Variants in SUPT3H observed in about 807,000 individuals in gnomAD.
SUPT3H encodes the protein transcription initiation protein SPT3 homolog.
Under a neutral mutation model 44.3 loss-of-function variants are expected in SUPT3H, and 44 were observed. That is an observed-to-expected ratio of 0.99 (90% CI 0.78 to 1.28). SUPT3H has a LOEUF of 1.28. Among genes scored for constraint, SUPT3H ranks in the 50% most tolerant of loss-of-function variants. The probability of loss-of-function intolerance (pLI) is 0.00; values close to 1 mark genes in which losing one functional copy is unlikely to be tolerated. For synonymous variants in SUPT3H, 124 were observed against 125.6 expected, an observed-to-expected ratio of 0.99 and a Z score of 0.09; for missense variants, 380 against 387.1, an observed-to-expected ratio of 0.98 and a Z score of 0.15.
At chr6:44,843,331 A>G (rs1186726607) in intron 10 of SUPT3H, among the ~76,000 whole-genome samples, 1 of 152,202 alleles carries the variant, frequency 6.6e-6, no homozygotes, top group Non-Finnish European at 1.5e-5. Context: ...CAATTTCTCC[A>G]TAAGATCAGG....
At chr6:44,865,653 G>A (rs1775384642) in intron 10 of SUPT3H, among the ~76,000 whole-genome samples, 1 of 152,110 alleles carries the variant, frequency 6.6e-6, no homozygotes, top group Admixed American at 6.5e-5. Context: ...AACAGTATGG[G>A]AGAAACCACC....
intron 2 of SUPT3H, among the ~76,000 whole-genome samples, chr6:45,130,395 T>C (rs948126801): frequency 6.6e-6 from 1 of 152,176 alleles, no homozygotes; most frequent in Non-Finnish European, 1.5e-5. Flanking sequence ...ACTGTATGAA[T>C]ATACCACATT....
At chr6:44,851,048 C>T (rs1772800952) in intron 10 of SUPT3H, among the ~76,000 whole-genome samples, 1 of 152,080 alleles carries the variant, frequency 6.6e-6, no homozygotes, top group African/African-American at 2.4e-5. Context: ...GTGATGGACA[C>T]TGAATTTAAT....
chr6:45,122,619 T>C (rs1359858848), intron 2 of SUPT3H, among the ~76,000 whole-genome samples: 1 of 152,104 alleles, frequency 6.6e-6, no homozygotes, highest in Non-Finnish European at 1.5e-5. Context: ...TAAATCACCA[T>C]ATACACCATT....
intron 2 of SUPT3H, among the ~76,000 whole-genome samples, chr6:45,182,191 C>T (rs573412040): frequency 5.5e-4 from 84 of 152,330 alleles, no homozygotes; most frequent in African/African-American, 1.8e-3. Flanking sequence ...GAAGAAGCCA[C>T]AACTGCTGTT....
chr6:45,366,854 G>A (rs1177734474), intron 1 of SUPT3H, among the ~76,000 whole-genome samples: 3 of 151,944 alleles, frequency 2.0e-5, no homozygotes, highest in Non-Finnish European at 2.9e-5. Context: ...CTTGTCCTAC[G>A]GCTATGGCCT....
At chr6:45,225,186 G>A (rs1175613158) in intron 2 of SUPT3H, among the ~76,000 whole-genome samples, 2 of 150,968 alleles carry the variant, frequency 1.3e-5, no homozygotes, top group Non-Finnish European at 2.9e-5. Flanking sequence ...GGCTGAGGCA[G>A]GAGAATCGCT....
intron 2 of SUPT3H, among the ~76,000 whole-genome samples, chr6:45,114,297 T>C (rs1462578419): frequency 6.6e-6 from 1 of 152,050 alleles, no homozygotes; most frequent in African/African-American, 2.4e-5. Context: ...CAAGTTTACA[T>C]TCCGATGAGG....
chr6:45,175,532 G>C (rs1375257507), intron 2 of SUPT3H, among the ~76,000 whole-genome samples: 1 of 152,124 alleles, frequency 6.6e-6, no homozygotes, highest in Non-Finnish European at 1.5e-5. Context: ...TGAGACATGG[G>C]TGTGGACACA....
intron 2 of SUPT3H, among the ~76,000 whole-genome samples, chr6:45,111,066 T>G (rs925446537): frequency 4.1e-5 from 6 of 146,814 alleles, no homozygotes; most frequent in African/African-American, 1.5e-4. Flanking sequence ...AGAGTCTCAC[T>G]CTGTCACCCA....
rs577246427 is a variant in SUPT3H at position 45,331,137 on chromosome 6, G to A, written c.101+34064C>T. Among the ~76,000 whole-genome samples, 39 of 151,922 alleles carry A rather than the reference G, an allele frequency of 2.6e-4. 1 individual carries two copies. The East Asian group carries it at 4.3e-3, about 17-fold the overall frequency. ...TGTGTGTGTGTGTGTGCGCGCGCGCGCGCACATGCTAGAGAAAGAGTATGT... is the reference window on the plus strand; with the variant it reads ...TGTGTGTGTGTGTGTGCGCGCGCGCACGCACATGCTAGAGAAAGAGTATGT... On this transcript the variant is annotated intron_variant, in intron 2 of 10. Transcript: ENST00000371459.
At chr6:45,366,692 A>G (rs555876315) in intron 1 of SUPT3H, among the ~76,000 whole-genome samples, 2 of 152,296 alleles carry the variant, frequency 1.3e-5, no homozygotes, top group South Asian at 2.1e-4. Context: ...TAGCTTCTTT[A>G]TAAGTTGAGT....
At position 45,157,728 on chromosome 6, in the gene SUPT3H, T is replaced by C. The variant is rs1009574219; in HGVS notation, c.102-51722A>G. 2.0e-5 allele frequency among the ~76,000 whole-genome samples: 3 copies of C among 151,680 alleles called. No homozygotes were observed. The South Asian group carries it at 6.2e-4, about 32-fold the overall frequency. Reference sequence around the variant, plus strand: ...CATGCCCGGCTAATTTTTGTATTTTTAGTAGAGACAGGGTTTCACCATGTT... The same window carrying C: ...CATGCCCGGCTAATTTTTGTATTTTCAGTAGAGACAGGGTTTCACCATGTT... On this transcript the variant is annotated intron_variant, in intron 2 of 10. Transcript: ENST00000371459.
At chr6:44,895,520 A>C (rs1367888342) in intron 10 of SUPT3H, among the ~76,000 whole-genome samples, 1 of 152,214 alleles carries the variant, frequency 6.6e-6, no homozygotes, top group East Asian at 1.9e-4. Context: ...TTTTGTTTTG[A>C]GAGACAGTCT....
chr6:44,937,424 G>T (rs1771632028), intron 9 of SUPT3H, among the ~76,000 whole-genome samples: 1 of 151,918 alleles, frequency 6.6e-6, no homozygotes, highest in Non-Finnish European at 1.5e-5. Context: ...AACCCGGGAG[G>T]TGGAGGTTGC....
intron 2 of SUPT3H, among the ~76,000 whole-genome samples, chr6:45,197,937 G>A (rs565018602): frequency 6.6e-6 from 1 of 151,106 alleles, no homozygotes; most frequent in Non-Finnish European, 1.5e-5. Flanking sequence ...TATTCAGACT[G>A]TAAACTTACA....
chr6:45,066,395 A>C (rs372031217), intron 3 of SUPT3H, among the ~76,000 whole-genome samples: 5 of 116,148 alleles, frequency 4.3e-5, no homozygotes, highest in African/African-American at 1.3e-4. Flanking sequence ...CCTTTGAAAA[A>C]TGGCACAAGA....
intron 2 of SUPT3H, among the ~76,000 whole-genome samples, chr6:45,113,816 C>A (rs1323323033): frequency 6.2e-5 from 7 of 112,380 alleles, no homozygotes; most frequent in Admixed American, 1.1e-4. Flanking sequence ...GGCGACAGAG[C>A]AAGACTCCAT....
intron 10 of SUPT3H, among the ~76,000 whole-genome samples, chr6:44,898,338 C>T (rs1056858877): frequency 1.3e-5 from 2 of 152,202 alleles, no homozygotes; most frequent in Non-Finnish European, 1.5e-5. Context: ...CTGTGGTTCA[C>T]ACCTTGGTCT....
Sources: allele counts gnomAD v4.1 joint callset (sites outside exome capture counted in the v4.1 genomes callset), GRCh38; gene constraint gnomAD v4.1.1; transcripts MANE v1.5; gene names NCBI Gene and HGNC (gene_info 2026-07-23, HGNC 2026-07-21).